MYH3: variants seen among roughly 807,000 people sequenced by gnomAD.
The protein encoded by MYH3 is myosin heavy chain 3.
Under a neutral mutation model 238.0 loss-of-function variants are expected in MYH3, and 130 were observed. The observed-to-expected ratio is 0.55, with a 90% CI of 0.47 to 0.63. MYH3 has a LOEUF of 0.63. Ranked by LOEUF, MYH3 falls within the 30% of genes least tolerant of loss-of-function variation. MYH3 has a pLI of 0.00. For synonymous variants in MYH3, 880 were observed against 924.1 expected (o/e 0.95, Z 0.86); for missense variants, 1,853 against 2,374.9 (o/e 0.78, Z 4.57).
At position 10,640,096 on chromosome 17, in the gene MYH3, T is replaced by C. The variant is rs771548234; in HGVS notation, c.2582A>G (p.Lys861Arg). 1 of 1,614,202 alleles carries C rather than the reference T, an allele frequency of 6.2e-7. No individual in the cohort carries two copies. The highest frequency in any genetic ancestry group is 1.7e-5 in the Admixed American group (1 of 60,020). The change falls in exon 22 of 41, where the codon AAA becomes AGA. Residue 861 changes from lysine (K) to arginine (R), a missense_variant. Physicochemically the swap from Lys to Arg is conservative, Grantham distance 26. This residue lies in a region of MYH3 where 678 missense variants were observed against 1,058.9 expected (regional missense o/e 0.64). Transcript: ENST00000583535. ...TGCCTCCGACTTGGCGAGTTCATCT[T>C]TGGTTTTCTGGAATTCTTCCTTCAT... ...ATMKEEFQKTKDELAKSEAKR... is the reference protein window; with the variant it reads ...ATMKEEFQKTRDELAKSEAKR...
intron 14 of MYH3, 134 bp from the exon 15 acceptor site, chr17:10,643,130 G>A: frequency 2.0e-6 from 3 of 1,503,388 alleles, no homozygotes; most frequent in Middle Eastern, 1.9e-4. Context: ...AATCTTCAAG[G>A]CCTGCCTCAG....
At chr17:10,639,930 A>G in intron 22 of MYH3, 66 bp downstream of exon 22, 1 of 1,590,818 alleles carries the variant, frequency 6.3e-7, no homozygotes, top group Non-Finnish European at 8.5e-7. Context: ...CAATAACTCA[A>G]TTTTTCTAAA....
chr17:10,629,790 C>T, intron 39 of MYH3, 52 bp downstream of exon 39: 1 of 1,614,118 alleles, frequency 6.2e-7, no homozygotes, highest in Non-Finnish European at 8.5e-7. Flanking sequence ...TCAGAACTCA[C>T]CACGGGAAAC....
At chr17:10,652,825 G>A (rs777009763) in intron 3 of MYH3, among the ~76,000 whole-genome samples, 18 of 151,782 alleles carry the variant, frequency 1.2e-4, no homozygotes, top group Non-Finnish European at 2.2e-4. Flanking sequence ...GTTTCACCGT[G>A]TTAGCCAGGA....
In MYH3 at chr17:10,638,357, C is replaced by T. The variant is rs138631084; in HGVS notation, c.3415G>A (p.Asp1139Asn). 47 of 1,608,748 alleles carry T rather than the reference C, an allele frequency of 2.9e-5. No individual in the cohort carries two copies. The highest frequency in any genetic ancestry group is 5.3e-5 in the African/African-American group (4 of 74,894). Residue 1139 changes from aspartate (D) to asparagine (N), a missense_variant, in exon 27 of 41, where the codon GAC (aspartate) becomes AAC (asparagine). Coordinates refer to ENST00000583535, the MANE Select transcript of MYH3 (RefSeq NM_002470.4). ...AGCTCCTCCAGCTCCCGGGCATAGT[C>T]GCTGCGCTGTTTCTCTGTCTTCGCG... ...TRAKTEKQRS[D>N]YARELEELSE...
Position 10,639,955 on chromosome 17 carries a change from T to C in MYH3, c.2682+41A>G, listed in dbSNP as rs771043720. The C allele has an allele frequency of 5.7e-6, 9 of 1,570,622 alleles. No homozygotes were observed. In the East Asian group the frequency reaches 2.0e-4, roughly 35 times the overall value. On this transcript the variant is annotated intron_variant, in intron 22 of 40. Transcript: ENST00000583535. The stretch of plus-strand genomic sequence containing the variant: ...ATTTTTCTAAATAAATAATCAAATC[T>C]AGAAGAGTTAAAAAAAAAAAAAAGA...
chr17:10,635,488 C>T lies in MYH3; in HGVS notation c.4051G>A (p.Glu1351Lys), dbSNP rs2074205618. Residue 1351 changes from glutamate to lysine, a missense_variant, in exon 30 of 41, where the codon GAG (glutamate) becomes AAG (lysine). Physicochemically the swap from Glu to Lys is moderately conservative, Grantham distance 56. Around this residue, in one of 3 missense-constraint regions of MYH3, gnomAD observed 1,044 missense variants for 1,192.6 expected, o/e 0.88. Coordinates refer to ENST00000583535, the MANE Select transcript of MYH3 (RefSeq NM_002470.4). ...TGCAGCTCAGCTTTGCCTTCCTGCT[C>T]CTCCTCATACTGTTCCCGCAGCAGG... The part of the protein sequence containing the change: ...CDLLREQYEE[E>K]QEGKAELQRA... The T allele has an allele frequency of 1.9e-6, 3 of 1,614,226 alleles. No homozygotes were observed. The highest frequency in any genetic ancestry group is 4.5e-5 in the East Asian group (2 of 44,886).
intron 26 of MYH3, 83 bp downstream of exon 26, chr17:10,638,790 T>G: frequency 1.4e-6 from 2 of 1,415,114 alleles, no homozygotes; most frequent in Non-Finnish European, 2.0e-6. Context: ...CTTGCCCACT[T>G]TCTCTAAATG....
chr17:10,660,572 G>A (rs2074473407), upstream of MYH3, among the ~76,000 whole-genome samples: 2 of 151,984 alleles, frequency 1.3e-5, no homozygotes, highest in African/African-American at 4.8e-5. Flanking sequence ...AGCTACTTGG[G>A]AGGCTGAGGC....
intron 26 of MYH3, among the ~76,000 whole-genome samples, 164 bp from the exon 27 acceptor site, chr17:10,638,596 T>C (rs879050043): frequency 6.6e-6 from 1 of 152,148 alleles, no homozygotes; most frequent in Non-Finnish European, 1.5e-5. Context: ...TGCCCCAACA[T>C]GGTAATTACT....
the MYH3 span, among the ~76,000 whole-genome samples, chr17:10,662,480 T>G: frequency 1.3e-5 from 2 of 152,236 alleles, no homozygotes; most frequent in African/African-American, 4.8e-5. Flanking sequence ...CTTATTTTGC[T>G]ATGCCATTTG....
rs112735577 is a variant in MYH3, at chr17:10,649,992, G to A, written c.534-307C>T. 0.017 allele frequency among the ~76,000 whole-genome samples: 2,596 copies of A among 151,644 alleles called. 80 individuals are homozygous for A. Among genetic ancestry groups the A allele is most frequent in the African/African-American group, 0.059 (2,454 of 41,312 alleles). On this transcript the variant is annotated intron_variant, in intron 6 of 40. Transcript: ENST00000583535. ...TTCTCTTTTATTTTTTATTTTTTGA[G>A]ACAGAATCTCACTCTGCTGCCCAGG...
chr17:10,659,435 A>G (rs1420184425), upstream of MYH3, among the ~76,000 whole-genome samples: 2 of 152,206 alleles, frequency 1.3e-5, no homozygotes, highest in African/African-American at 4.8e-5. Context: ...TAGAGTGTTC[A>G]GCTGTGAGAT....
chr17:10,667,271 A>T, the MYH3 span, among the ~76,000 whole-genome samples: 8 of 152,206 alleles, frequency 5.3e-5, no homozygotes, highest in Non-Finnish European at 8.8e-5. Context: ...GCATAACGAT[A>T]TTTATTGTGG....
rs781067845 is a variant in MYH3 at position 10,640,702 on chromosome 17, G to C, written c.2166-16C>G. The C allele has an allele frequency of 6.2e-7, 1 of 1,613,074 alleles. No homozygotes were observed. Among genetic ancestry groups the C allele is most frequent in the South Asian group, 1.1e-5 (1 of 91,004 alleles). ...CACTCGGTATCTGCATTGTAGACATGGAAATCATCACAGACTGTTGGCAAA... is the reference window on the plus strand; with the variant it reads ...CACTCGGTATCTGCATTGTAGACATCGAAATCATCACAGACTGTTGGCAAA... On this transcript the variant is annotated splice_polypyrimidine_tract_variant and intron_variant, in intron 19 of 40. Coordinates refer to ENST00000583535, the MANE Select transcript of MYH3 (RefSeq NM_002470.4).
chr17:10,668,266 G>T, the MYH3 span, among the ~76,000 whole-genome samples: 1 of 152,154 alleles, frequency 6.6e-6, no homozygotes, highest in East Asian at 1.9e-4. Flanking sequence ...GTGGTGGCGC[G>T]TGCCTGTAGT....
Position 10,633,724 on chromosome 17 carries a change from A to C in MYH3, c.4523-9T>G. 2 of 1,613,520 alleles carry C rather than the reference A, an allele frequency of 1.2e-6. No homozygotes were observed. The highest frequency in any genetic ancestry group is 1.7e-6 in the Non-Finnish European group (2 of 1,179,752). ...GAGATCTGCTATCTCCTCTGTAAAG[A>C]AGTAAGTTTCAGTTGCATATGAGCG... On this transcript the variant is annotated splice_polypyrimidine_tract_variant and intron_variant, in intron 32 of 40. Transcript: ENST00000583535.
rs2074410369 is a variant in MYH3 at position 10,654,611 on chromosome 17, T to C, written c.204+250A>G. ...GGGCCCCTCTGGCCTACAGTGAACG[T>C]GGACAAAAATACCTGAAAACTAATT... is the stretch of plus-strand genomic sequence containing the variant. On this transcript the variant is annotated intron_variant, in intron 3 of 40. Coordinates refer to ENST00000583535, the MANE Select transcript of MYH3 (RefSeq NM_002470.4). This position sits in a 1 kb window ranked among gnomAD's most constrained non-coding sequence, Gnocchi z 4.5. 6.6e-6 allele frequency among the ~76,000 whole-genome samples: 1 copy of C among 152,206 alleles called. No homozygotes were observed. The highest frequency in any genetic ancestry group is 6.5e-5 in the Admixed American group (1 of 15,278).
At chr17:10,644,238 G>C in intron 14 of MYH3, 113 bp downstream of exon 14, 1 of 1,141,960 alleles carries the variant, frequency 8.8e-7, no homozygotes, top group Admixed American at 1.8e-5. Flanking sequence ...TCTCCATCTA[G>C]TTTCTTACAG....
Sources: gnomAD v4.1 joint callset for allele counts (sites outside exome capture counted in the v4.1 genomes callset) on GRCh38, gnomAD v4.1.1 for gene constraint, gnomAD v4.1.1 regional missense constraint, Gnocchi (gnomAD v3.1) non-coding constraint, MANE v1.5 for transcripts, NCBI Gene and HGNC (gene_info 2026-07-23, HGNC 2026-07-21) for gene names.